The following TMEM154 variants were observed in gnomAD, a reference collection of about 807,000 sequenced individuals.
The protein encoded by TMEM154 is transmembrane protein 154.
TMEM154 carries 27 observed loss-of-function variants against 24.5 expected under a neutral mutation model. The ratio of observed to expected loss-of-function variants is 1.10; its 90% CI spans 0.81 to 1.52. The LOEUF (loss-of-function observed/expected upper bound fraction) is 1.52. Ranked by LOEUF, TMEM154 falls within the 40% of genes most tolerant of loss-of-function variation. The pLI, the probability that TMEM154 is intolerant of heterozygous loss-of-function variation, is 0.00. For missense variants in TMEM154, 228 were observed against 213.4 expected, an observed-to-expected ratio of 1.07 and a Z score of -0.43; for synonymous variants, 67 against 76.8, an observed-to-expected ratio of 0.87 and a Z score of 0.67.
chr4:152,671,476 G>T (rs958969983), intron 1 of TMEM154, among the ~76,000 whole-genome samples: 1 of 152,016 alleles, frequency 6.6e-6, no homozygotes. Flanking sequence ...GGCCGGGCGC[G>T]GTGGCTCACG....
intron 6 of TMEM154, among the ~76,000 whole-genome samples, chr4:152,635,717 T>C (rs568447729): frequency 6.6e-6 from 1 of 152,320 alleles, no homozygotes; most frequent in Non-Finnish European, 1.5e-5. Flanking sequence ...AACAGTAGAA[T>C]TATTATAAGA....
chr4:152,648,070 C>A (rs1213212153), intron 3 of TMEM154, among the ~76,000 whole-genome samples: 2 of 152,174 alleles, frequency 1.3e-5, no homozygotes, highest in Non-Finnish European at 2.9e-5. Context: ...GGAAACAAGT[C>A]ACCAACTTAT....
rs999608581 is a variant in TMEM154, at chr4:152,619,501, C to T, written c.*9045G>A. The T allele has an allele frequency of 6.6e-6, 1 of 152,174 alleles. No individual in the cohort carries two copies. The highest frequency in any genetic ancestry group is 1.5e-5 in the Non-Finnish European group (1 of 68,036). 9.4% of individuals were successfully genotyped at this position (152,174 alleles called of 1,614,324 possible). A position where few individuals can be genotyped will look rare whatever the true frequency, so the allele number is the denominator to read the frequency against. On this transcript the variant is annotated 3_prime_UTR_variant, in exon 7 of 7. Transcript: ENST00000304385. ...ACAAGTGGGGTTTATGTCCTTTCCACCTTGAACCTAGGTAGACTTTGTAAC... is the reference window on the plus strand; with the variant it reads ...ACAAGTGGGGTTTATGTCCTTTCCATCTTGAACCTAGGTAGACTTTGTAAC...
At chr4:152,644,202 C>A (rs373279922) in intron 4 of TMEM154, among the ~76,000 whole-genome samples, 1 of 152,272 alleles carries the variant, frequency 6.6e-6, no homozygotes, top group Non-Finnish European at 1.5e-5. Flanking sequence ...AAACAGATGC[C>A]AAGCTGTCTT....
chr4:152,636,189 G>T (rs936284436), intron 6 of TMEM154, among the ~76,000 whole-genome samples: 31 of 152,304 alleles, frequency 2.0e-4, no homozygotes, highest in African/African-American at 7.0e-4. Context: ...TTTCTACACA[G>T]AAGTTAAAAC....
At position 152,655,102 on chromosome 4, in the gene TMEM154, C is replaced by T. The variant is rs150700361; in HGVS notation, c.65-2175G>A. 2.0e-5 allele frequency among the ~76,000 whole-genome samples: 3 copies of T among 152,038 alleles called. No individual in the cohort carries two copies. In the East Asian group the frequency reaches 5.8e-4, roughly 29 times the overall value. ...GCTGACTAGATGCATCTGGCAGTCA[C>T]CTCTTCACAAAAAATAACAAAAATA... On this transcript the variant is annotated intron_variant, in intron 1 of 6. Transcript: ENST00000304385.
intron 1 of TMEM154, among the ~76,000 whole-genome samples, chr4:152,654,693 A>G (rs1180985769): frequency 6.6e-6 from 1 of 152,214 alleles, no homozygotes; most frequent in Non-Finnish European, 1.5e-5. Context: ...ATATGTGGAT[A>G]CGGAAAGGTG....
At chr4:152,660,030 C>T (rs1201177623) in intron 1 of TMEM154, among the ~76,000 whole-genome samples, 11 of 149,472 alleles carry the variant, frequency 7.4e-5, no homozygotes, top group Admixed American at 2.0e-4. Context: ...CCACGAAAAA[C>T]GAAACTGTGG....
chr4:152,660,435 A>G (rs2149787094), intron 1 of TMEM154, among the ~76,000 whole-genome samples: 1 of 149,730 alleles, frequency 6.7e-6, no homozygotes, highest in South Asian at 2.1e-4. Flanking sequence ...CGCTGTTACT[A>G]TTTCAGCATC....
intron 1 of TMEM154, among the ~76,000 whole-genome samples, chr4:152,660,803 T>A (rs1208319912): frequency 6.6e-6 from 1 of 152,222 alleles, no homozygotes; most frequent in Non-Finnish European, 1.5e-5. Flanking sequence ...AGGAAAGGGT[T>A]CCCAGAAACC....
At chr4:152,679,287 A>T (rs916192461) in intron 1 of TMEM154, among the ~76,000 whole-genome samples, 29 of 152,176 alleles carry the variant, frequency 1.9e-4, no homozygotes, top group African/African-American at 6.7e-4. Flanking sequence ...GGTGCAATAA[A>T]AGTAGATGAA....
chr4:152,676,390 G>A (rs913777282), intron 1 of TMEM154, among the ~76,000 whole-genome samples: 2 of 152,158 alleles, frequency 1.3e-5, no homozygotes, highest in African/African-American at 4.8e-5. Flanking sequence ...GAAACCCAGA[G>A]GTAGTATGGA....
rs567688484 is a variant in TMEM154 at position 152,655,525 on chromosome 4, C to A, written c.65-2598G>T. 3.3e-3 allele frequency among the ~76,000 whole-genome samples: 496 copies of A among 152,304 alleles called. 7 individuals carry two copies. The highest frequency in any genetic ancestry group is 0.011 in the African/African-American group (464 of 41,578). The stretch of plus-strand genomic sequence containing the variant: ...GACTGTATCCTGCCCTAGGGCCCAA[C>A]AGCCCCTGAATCTCCATGTCTCTGG... On this transcript the variant is annotated intron_variant, in intron 1 of 6. Coordinates refer to ENST00000304385, the MANE Select transcript of TMEM154 (RefSeq NM_152680.3).
intron 6 of TMEM154, 21 bp downstream of exon 6, chr4:152,640,907 T>C: frequency 9.3e-7 from 1 of 1,079,218 alleles, no homozygotes; most frequent in Non-Finnish European, 1.4e-6. Context: ...ACATGTAATC[T>C]GTGGTAGAAA....
rs1462936070 is a variant in TMEM154 at position 152,628,405 on chromosome 4, G to A, written c.*141C>T. 27 of 1,366,232 alleles carry A rather than the reference G, an allele frequency of 2.0e-5. No individual in the cohort carries two copies. The highest frequency in any genetic ancestry group is 8.8e-5 in the African/African-American group (6 of 68,400). 84.6% of individuals were successfully genotyped at this position (1,366,232 alleles called of 1,614,324 possible). A position where few individuals can be genotyped will look rare whatever the true frequency, so the allele number is the denominator to read the frequency against. On this transcript the variant is annotated 3_prime_UTR_variant, in exon 7 of 7. Coordinates refer to ENST00000304385, the MANE Select transcript of TMEM154 (RefSeq NM_152680.3). ...GATGCCATCATTAGGAAGAGTGGGC[G>A]TTGGAAGAAACAGCAAAAGGTTCTT...
At chr4:152,631,653 ACTCCTGGG>A (rs1415978739) in intron 6 of TMEM154, among the ~76,000 whole-genome samples, 1 of 151,642 alleles carries the variant, frequency 6.6e-6, no homozygotes, top group Non-Finnish European at 1.5e-5. Flanking sequence ...CTGGTCTCGA[ACTCCTGGG>A]CTCAAGCAAT....
intron 3 of TMEM154, among the ~76,000 whole-genome samples, chr4:152,651,325 A>G (rs564970430): frequency 3.9e-5 from 6 of 152,216 alleles, no homozygotes; most frequent in Admixed American, 1.3e-4. Flanking sequence ...GTCAGATGGC[A>G]TCTTCTTCCA....
rs545408589 is a variant in TMEM154 at position 152,633,797 on chromosome 4, G to A, written c.537-5236C>T. On this transcript the variant is annotated intron_variant, in intron 6 of 6. Coordinates refer to ENST00000304385, the MANE Select transcript of TMEM154 (RefSeq NM_152680.3). ...GAGACCAGCCTGGGGAACATAGTGA[G>A]ACACTGTCTCTACAAAAAATTCAAA... Among the ~76,000 whole-genome samples, 496 of 152,148 alleles carry A rather than the reference G, an allele frequency of 3.3e-3. 3 individuals are homozygous for A. Among genetic ancestry groups the A allele is most frequent in the Non-Finnish European group, 5.1e-3 (345 of 67,998 alleles).
At chr4:152,663,426 A>G (rs1480256017) in intron 1 of TMEM154, among the ~76,000 whole-genome samples, 1 of 152,252 alleles carries the variant, frequency 6.6e-6, no homozygotes, top group Non-Finnish European at 1.5e-5. Flanking sequence ...AAAGAATAGA[A>G]AAGAAGAAAT....
Sources: allele counts gnomAD v4.1 joint callset (sites outside exome capture counted in the v4.1 genomes callset), GRCh38; gene constraint gnomAD v4.1.1; transcripts MANE v1.5; gene names NCBI Gene and HGNC (gene_info 2026-07-23, HGNC 2026-07-21).